Variants in KDM2B observed in about 807,000 individuals in gnomAD.
KDM2B encodes the protein lysine demethylase 2B.
In KDM2B, 26 loss-of-function variants were observed where a neutral mutation model predicts 150.0. That is an observed-to-expected ratio of 0.17 (90% confidence interval 0.13 to 0.24). KDM2B has a LOEUF of 0.24. Ranked by LOEUF, KDM2B falls within the 10% of genes least tolerant of loss-of-function variation. The probability of loss-of-function intolerance (pLI) is 1.00; values close to 1 mark genes in which losing one functional copy is unlikely to be tolerated. For missense variants in KDM2B, 1,265 were observed against 1,816.9 expected, an observed-to-expected ratio of 0.70 and a Z score of 5.52; for synonymous variants, 734 against 729.5, an observed-to-expected ratio of 1.01 and a Z score of -0.10.
chr12:121,485,588 T>C (rs1882664697), intron 12 of KDM2B, among the ~76,000 whole-genome samples: 1 of 151,620 alleles, frequency 6.6e-6, no homozygotes, highest in Non-Finnish European at 1.5e-5. Flanking sequence ...CACTATTCTG[T>C]CTTCAAAAAC....
chr12:121,424,732 A>G (rs1872428201), downstream of KDM2B, among the ~76,000 whole-genome samples: 2 of 152,034 alleles, frequency 1.3e-5, no homozygotes, highest in African/African-American at 4.8e-5. Flanking sequence ...AAAAGAAAAA[A>G]AAGAAAAAAA....
chr12:121,571,285 G>T (rs187759619), intron 4 of KDM2B, among the ~76,000 whole-genome samples: 1 of 152,112 alleles, frequency 6.6e-6, no homozygotes, highest in African/African-American at 2.4e-5. Context: ...TAAAACCAAT[G>T]ACTTGTGCCT....
At chr12:121,437,888 T>C (rs1225551645) in intron 22 of KDM2B, among the ~76,000 whole-genome samples, 1 of 63,624 alleles carries the variant, frequency 1.6e-5, no homozygotes, top group Non-Finnish European at 4.0e-5. Flanking sequence ...GAGAGGGGAA[T>C]TTTTTTTTTT....
rs1444012837 is a variant in KDM2B, at chr12:121,466,805, G to C, written c.1735-13461C>G. 5.5e-5 allele frequency among the ~76,000 whole-genome samples: 8 copies of C among 146,112 alleles called. 1 individual carries two copies. In the East Asian group the frequency reaches 1.6e-3, roughly 29 times the overall value. On this transcript the variant is annotated intron_variant, in intron 12 of 22. Coordinates refer to ENST00000377071, the MANE Select transcript of KDM2B (RefSeq NM_032590.5). ...CGCGTGGGCCGCGGGCGAGGGCGCC[G>C]GGGGAGGGCGCGGCGCGCCCCGCGG... is the stretch of plus-strand genomic sequence containing the variant.
intron 12 of KDM2B, among the ~76,000 whole-genome samples, chr12:121,461,750 G>C (rs1350635180): frequency 7.2e-5 from 11 of 152,268 alleles, no homozygotes; most frequent in African/African-American, 2.6e-4. Flanking sequence ...CCAGAGCTAA[G>C]GTACACACCT....
In KDM2B at chr12:121,442,386, G is replaced by A; in HGVS notation, c.3055C>T (p.Pro1019Ser). ...RHQLGPSLRS[P>S]PRVISRPPPS... is the part of the protein sequence containing the mutation. ...GGGGGCCGGGAGATGACACGGGGCG[G>A]GCTGCGCAGGCTGGGCCCCAGCTGG... The change falls in exon 19 of 23, where the codon CCG (proline) becomes TCG (serine). Residue 1019 changes from proline to serine, a missense_variant. This residue lies in a region of KDM2B where 418 missense variants were observed against 402.4 expected (regional missense o/e 1.04). Transcript: ENST00000377071. The surrounding 1 kb of genome is among the most constrained non-coding windows in gnomAD (Gnocchi z 7.7). 6.3e-7 allele frequency: 1 copy of A among 1,589,594 alleles called. No homozygotes were observed. Among genetic ancestry groups the A allele is most frequent in the Non-Finnish European group, 8.5e-7 (1 of 1,169,804 alleles).
rs370870204 is a variant in KDM2B at position 121,486,177 on chromosome 12, C to T, written c.1734+8402G>A. 9.1e-4 allele frequency among the ~76,000 whole-genome samples: 137 copies of T among 150,966 alleles called. No homozygotes were observed. In the South Asian group the frequency reaches 0.021, roughly 23 times the overall value. On this transcript the variant is annotated intron_variant, in intron 12 of 22. Coordinates refer to ENST00000377071, the MANE Select transcript of KDM2B (RefSeq NM_032590.5). The stretch of plus-strand genomic sequence containing the variant: ...AGGCTGGAGTTCAGTGGCACAATCT[C>T]GGCTCACTGCAACCTCCACCTCCCG...
intron 12 of KDM2B, among the ~76,000 whole-genome samples, chr12:121,493,157 C>G (rs1042201386): frequency 1.3e-5 from 2 of 150,122 alleles, no homozygotes; most frequent in African/African-American, 4.9e-5. Context: ...ATCCTCCCCC[C>G]TCAGCTTCTG....
intron 1 of KDM2B, 111 bp from the exon 2 acceptor site, chr12:121,579,057 C>T: frequency 1.7e-6 from 2 of 1,210,210 alleles, no homozygotes; most frequent in South Asian, 2.9e-5. Flanking sequence ...CCCTGCACCC[C>T]ACCATTGCAA....
chr12:121,570,853 A>T (rs552033398), intron 4 of KDM2B, among the ~76,000 whole-genome samples: 1 of 152,380 alleles, frequency 6.6e-6, no homozygotes, highest in Non-Finnish European at 1.5e-5. Flanking sequence ...CATGTTCAAC[A>T]AAAACCTGTA....
chr12:121,477,868 G>A (rs377506438), intron 12 of KDM2B, among the ~76,000 whole-genome samples: 25 of 151,776 alleles, frequency 1.6e-4, no homozygotes, highest in African/African-American at 5.8e-4. Flanking sequence ...GTGAGCCATC[G>A]TGCCCAGGCT....
chr12:121,547,484 C>G, intron 6 of KDM2B, among the ~76,000 whole-genome samples: 1 of 152,260 alleles, frequency 6.6e-6, no homozygotes, highest in African/African-American at 2.4e-5. Flanking sequence ...GAATTAAGGG[C>G]TGAGTGAATG....
chr12:121,534,390 C>G, intron 7 of KDM2B, 107 bp downstream of exon 7: 1 of 777,148 alleles, frequency 1.3e-6, no homozygotes, highest in Admixed American at 2.0e-5. Flanking sequence ...ACTCCTGGGG[C>G]AGGGCTGGTT....
At chr12:121,449,884 T>A (rs1178346330) in intron 13 of KDM2B, among the ~76,000 whole-genome samples, 1 of 152,202 alleles carries the variant, frequency 6.6e-6, no homozygotes, top group Non-Finnish European at 1.5e-5. Flanking sequence ...GGAACTGAAC[T>A]TCTGCAGCAA....
chr12:121,439,380 CTTTTT>C (rs530764831), intron 22 of KDM2B, among the ~76,000 whole-genome samples: 2 of 129,572 alleles, frequency 1.5e-5, no homozygotes, highest in Admixed American at 8.0e-5. Context: ...CCAATGGTAA[CTTTTT>C]TTTTTTTTTT....
intron 4 of KDM2B, among the ~76,000 whole-genome samples, chr12:121,565,182 T>C (rs78580552): frequency 0.024 from 3,676 of 151,012 alleles, 158 homozygotes; most frequent in African/African-American, 0.085. Flanking sequence ...TATCACAGAG[T>C]GAGTCCTATC....
chr12:121,516,120 T>TAA (rs771112089), intron 9 of KDM2B, among the ~76,000 whole-genome samples: 6 of 151,996 alleles, frequency 3.9e-5, no homozygotes, highest in African/African-American at 4.8e-5. Context: ...TACCAGTACT[T>TAA]AAAAAGCAAG....
chr12:121,431,573 C>T (rs1873028020), intron 22 of KDM2B, among the ~76,000 whole-genome samples: 1 of 152,156 alleles, frequency 6.6e-6, no homozygotes, highest in Admixed American at 6.5e-5. Flanking sequence ...AACATCTGTG[C>T]TATCTACATG....
chr12:121,528,431 C>A (rs890426520), intron 8 of KDM2B, among the ~76,000 whole-genome samples: 1 of 151,964 alleles, frequency 6.6e-6, no homozygotes, highest in Non-Finnish European at 1.5e-5. Context: ...CGGTAGCGTA[C>A]GCTTGTAATC....
Sources: gnomAD v4.1 joint callset for allele counts (sites outside exome capture counted in the v4.1 genomes callset) on GRCh38, gnomAD v4.1.1 for gene constraint, gnomAD v4.1.1 regional missense constraint, Gnocchi (gnomAD v3.1) non-coding constraint, MANE v1.5 for transcripts, NCBI Gene and HGNC (gene_info 2026-07-23, HGNC 2026-07-21) for gene names.